E2F6: variants seen among roughly 807,000 people sequenced by gnomAD.
E2F6 encodes the protein E2F transcription factor 6.
E2F6 carries 19 observed loss-of-function variants against 31.5 expected under a neutral mutation model. The ratio of observed to expected loss-of-function variants is 0.60; its 90% CI spans 0.42 to 0.89. E2F6 has a LOEUF of 0.89. E2F6 is among the 40% of genes least tolerant of loss of function. E2F6 has a pLI of 0.00. For synonymous variants in E2F6, 121 were observed against 127.7 expected (o/e 0.95, Z 0.36); for missense variants, 269 against 341.6 (o/e 0.79, Z 1.67).
At chr2:11,453,502 T>G in intron 3 of E2F6, 80 bp downstream of exon 3, 3 of 1,279,872 alleles carry the variant, frequency 2.3e-6, no homozygotes, top group Non-Finnish European at 1.1e-6. Flanking sequence ...GTCAAAACAC[T>G]GCCACTATCT....
chr2:11,454,484 A>G (rs917289184), intron 2 of E2F6, among the ~76,000 whole-genome samples: 1 of 151,498 alleles, frequency 6.6e-6, no homozygotes, highest in African/African-American at 2.4e-5. Flanking sequence ...AGCTGGGATT[A>G]CAGGCATGCA....
chr2:11,450,512 T>C (rs1012913334), intron 4 of E2F6, among the ~76,000 whole-genome samples: 10 of 152,128 alleles, frequency 6.6e-5, no homozygotes, highest in African/African-American at 2.4e-4. Context: ...GATCTTACTA[T>C]AACTTTGAGA....
At chr2:11,449,879 A>C in intron 5 of E2F6, 133 bp downstream of exon 5, 1 of 526,196 alleles carries the variant, frequency 1.9e-6, no homozygotes, top group Non-Finnish European at 3.3e-6. Flanking sequence ...AAATGTGTGA[A>C]GTGCCTTGAG....
At chr2:11,455,590 A>C (rs1671354686) in intron 2 of E2F6, 1 of 588,810 alleles carries the variant, frequency 1.7e-6, no homozygotes, top group Non-Finnish European at 2.7e-6. Context: ...TAACTTTAAA[A>C]AGCATATATT....
intron 1 of E2F6, among the ~76,000 whole-genome samples, chr2:11,465,446 G>A (rs1402472455): frequency 6.6e-6 from 1 of 152,108 alleles, no homozygotes; most frequent in African/African-American, 2.4e-5. Context: ...GGGAGAGGAG[G>A]CAGAAAAACA....
intron 1 of E2F6, among the ~76,000 whole-genome samples, chr2:11,462,459 A>G (rs1220286955): frequency 2.0e-5 from 3 of 152,262 alleles, no homozygotes; most frequent in Admixed American, 1.3e-4. Flanking sequence ...CTCTCTCAAA[A>G]TATCTTATAC....
chr2:11,444,668 T>C lies in E2F6; in HGVS notation c.*1809A>G, dbSNP rs1455161527. ...CCTTAGGCCTGCTGTACTCTTTAGA[T>C]GACCTCTCCTACTCTTGTGGCTTAA... is the stretch of plus-strand genomic sequence containing the variant. On this transcript the variant is annotated 3_prime_UTR_variant, in exon 7 of 7. Transcript: ENST00000381525. 6.6e-6 allele frequency: 1 copy of C among 151,360 alleles called. No individual in the cohort carries two copies. The highest frequency in any genetic ancestry group is 1.5e-5 in the Non-Finnish European group (1 of 67,876). 9.4% of individuals were successfully genotyped at this position (151,360 alleles called of 1,614,324 possible).
In E2F6 at chr2:11,451,825, G is replaced by A. The variant is rs369800983; in HGVS notation, c.381-19C>T. The A allele has an allele frequency of 2.5e-6, 4 of 1,599,530 alleles. No homozygotes were observed. In the Admixed American group the frequency reaches 6.8e-5, roughly 27 times the overall value. On this transcript the variant is annotated intron_variant, in intron 3 of 6. Transcript: ENST00000381525. Reference sequence around the variant, plus strand: ...AGATCCTCTTTAGAAGAAAAAAAATGTCAGCATCAATACCAACTAGGAGAT... The same window carrying A: ...AGATCCTCTTTAGAAGAAAAAAAATATCAGCATCAATACCAACTAGGAGAT...
chr2:11,449,393 C>T (rs1158668207), intron 5 of E2F6, among the ~76,000 whole-genome samples: 1 of 152,236 alleles, frequency 6.6e-6, no homozygotes, highest in African/African-American at 2.4e-5. Flanking sequence ...TCTATCAAGG[C>T]TGTCAGTCTT....
Position 11,456,959 on chromosome 2 carries a change from C to T in E2F6, c.163+220G>A, listed in dbSNP as rs541523256. On this transcript the variant is annotated intron_variant, in intron 2 of 6. Transcript: ENST00000381525. The stretch of plus-strand genomic sequence containing the variant: ...CCAGGAGGAATTCTGAGAAAATAGC[C>T]TTAAATACAGACTGTTCTATGGAGA... 1,082 of 482,756 alleles carry T rather than the reference C, an allele frequency of 2.2e-3. 2 individuals carry two copies. The highest frequency in any genetic ancestry group is 3.9e-3 in the Admixed American group (93 of 24,046). The allele number at this position is 482,756 out of a possible 1,614,324, so 29.9% of individuals were successfully genotyped here.
intron 4 of E2F6, among the ~76,000 whole-genome samples, chr2:11,450,500 T>C (rs1379686239): frequency 1.3e-5 from 2 of 152,226 alleles, no homozygotes; most frequent in Non-Finnish European, 1.5e-5. Flanking sequence ...TATAGTAAGC[T>C]AGATCTTACT....
chr2:11,456,741 G>A (rs1671429134), intron 2 of E2F6, among the ~76,000 whole-genome samples: 1 of 151,588 alleles, frequency 6.6e-6, no homozygotes, highest in Admixed American at 6.6e-5. Flanking sequence ...AACTAAGGGT[G>A]AGTATTTCTA....
rs574653171 is a variant in E2F6 at position 11,447,654 on chromosome 2, T to G, written c.772A>C (p.Ser258Arg). 55 of 1,612,020 alleles carry G rather than the reference T, an allele frequency of 3.4e-5. No individual in the cohort carries two copies. The South Asian group carries it at 5.4e-4, about 16-fold the overall frequency. ...SEGVGTSSSE[S>R]THPEGPEEEE... ...TCCTCAGGGCCTTCTGGATGAGTGC[T>G]CTCAGATGAAGAGGTCCCGACACCT... The change falls in exon 6 of 7, where the codon AGC becomes CGC. Residue 258 changes from serine to arginine, a missense_variant. Coordinates refer to ENST00000381525, the MANE Select transcript of E2F6 (RefSeq NM_198256.4).
In E2F6 at chr2:11,458,683, C is replaced by T. The variant is rs140994884; in HGVS notation, c.109-1450G>A. 2.8e-3 allele frequency among the ~76,000 whole-genome samples: 419 copies of T among 152,302 alleles called. 2 individuals are homozygous for T. Among genetic ancestry groups the T allele is most frequent in the African/African-American group, 9.8e-3 (407 of 41,558 alleles). On this transcript the variant is annotated intron_variant, in intron 1 of 6. Transcript: ENST00000381525. ...GAAGGCAAGGTGAGCAGTTAAGAAG[C>T]TCTTTGTTTATACTGGTGTTAACAA... is the stretch of plus-strand genomic sequence containing the variant.
At position 11,444,964 on chromosome 2, in the gene E2F6, T is replaced by C. The variant is rs1477163221; in HGVS notation, c.*1513A>G. ...AATAAAACAGAGGGAGGAAAAGCAT[T>C]GAGGCTAACCGCTGGGGGAGGAGCA... On this transcript the variant is annotated 3_prime_UTR_variant, in exon 7 of 7. Coordinates refer to ENST00000381525, the MANE Select transcript of E2F6 (RefSeq NM_198256.4). 7 of 152,174 alleles carry C rather than the reference T, an allele frequency of 4.6e-5. No homozygotes were observed. The highest frequency in any genetic ancestry group is 3.9e-4 in the Admixed American group (6 of 15,272). The allele number at this position is 152,174 out of a possible 1,614,324, so 9.4% of individuals were successfully genotyped here. A position where few individuals can be genotyped will look rare whatever the true frequency, so the allele number is the denominator to read the frequency against.
In E2F6 at chr2:11,453,767, A is replaced by G; in HGVS notation, c.195T>C (p.Asp65=). 6.2e-7 allele frequency: 1 copy of G among 1,614,240 alleles called. No homozygotes were observed. Among genetic ancestry groups the G allele is most frequent in the Non-Finnish European group, 8.5e-7 (1 of 1,180,024 alleles). ...TTCGAGTTAAATAAACCAGCGATAC[A>G]TCAAAACGAGGTCTCTTCACTTTTA... ...KALKVKRPRF[D]VSLVYLTRKF... is the part of the protein sequence containing the mutation. The change falls in exon 3 of 7, where the codon GAT becomes GAC. Residue 65 remains aspartate, a synonymous_variant. Transcript: ENST00000381525.
intron 2 of E2F6, among the ~76,000 whole-genome samples, chr2:11,456,533 C>T (rs1671415186): frequency 6.6e-6 from 1 of 152,206 alleles, no homozygotes; most frequent in South Asian, 2.1e-4. Context: ...AATTCTAATC[C>T]ATACCTATAT....
intron 1 of E2F6, chr2:11,458,143 C>T: frequency 2.5e-6 from 2 of 802,852 alleles, no homozygotes; most frequent in Non-Finnish European, 2.1e-6. Flanking sequence ...AATGTGCCTC[C>T]AGACAGGCTG....
At chr2:11,454,587 G>A (rs1389650443) in intron 2 of E2F6, among the ~76,000 whole-genome samples, 1 of 151,992 alleles carries the variant, frequency 6.6e-6, no homozygotes, top group Non-Finnish European at 1.5e-5. Context: ...CTGACCCTGT[G>A]ATCCACCTGC....
Sources: allele counts gnomAD v4.1 joint callset (sites outside exome capture counted in the v4.1 genomes callset), GRCh38; gene constraint gnomAD v4.1.1; transcripts MANE v1.5; gene names NCBI Gene and HGNC (gene_info 2026-07-23, HGNC 2026-07-21).